ALDH4A1: variants seen among roughly 807,000 people sequenced by gnomAD.
The protein encoded by ALDH4A1 is aldehyde dehydrogenase 4 family member A1.
Under a neutral mutation model 70.5 loss-of-function variants are expected in ALDH4A1, and 46 were observed. The ratio of observed to expected loss-of-function variants is 0.65; its 90% CI spans 0.51 to 0.83. The LOEUF (loss-of-function observed/expected upper bound fraction) is 0.83. Ranked by LOEUF, ALDH4A1 falls within the 40% of genes least tolerant of loss-of-function variation. The pLI is 0.00. For missense variants in ALDH4A1, 749 were observed against 766.5 expected, an observed-to-expected ratio of 0.98 and a Z score of 0.27; for synonymous variants, 323 against 324.3, an observed-to-expected ratio of 1.00 and a Z score of 0.04.
chr1:18,889,540 G>C (rs1209653799), intron 2 of ALDH4A1, 86 bp from the exon 3 acceptor site: 2 of 1,244,520 alleles, frequency 1.6e-6, no homozygotes, highest in Non-Finnish European at 2.3e-6. Flanking sequence ...CACAGACGGA[G>C]GTGCCCAGGC....
At chr1:18,884,305 C>T (rs1454939066) in intron 5 of ALDH4A1, among the ~76,000 whole-genome samples, 2 of 152,198 alleles carry the variant, frequency 1.3e-5, no homozygotes, top group Non-Finnish European at 2.9e-5. Context: ...CATACCAGCT[C>T]TGTGCAGCAG....
intron 1 of ALDH4A1, among the ~76,000 whole-genome samples, chr1:18,896,346 C>A (rs936767280): frequency 1.3e-5 from 2 of 152,192 alleles, no homozygotes; most frequent in African/African-American, 4.8e-5. Flanking sequence ...CAGGACTGGA[C>A]TCCAAGGCCA....
At chr1:18,896,964 G>A (rs886217790) in intron 1 of ALDH4A1, 1 of 443,636 alleles carries the variant, frequency 2.3e-6, no homozygotes, top group African/African-American at 2.1e-5. Context: ...GCAAACATCA[G>A]GCAACATTTG....
Position 18,872,625 on chromosome 1 carries a change from T to G in ALDH4A1, c.*220A>C, listed in dbSNP as rs944310354. 54 of 449,948 alleles carry G rather than the reference T, an allele frequency of 1.2e-4. No individual in the cohort carries two copies. Among genetic ancestry groups the G allele is most frequent in the East Asian group, 3.3e-4 (9 of 27,080 alleles). The allele number at this position is 449,948 out of a possible 1,614,324, so 27.9% of individuals were successfully genotyped here. A position where few individuals can be genotyped will look rare whatever the true frequency, so the allele number is the denominator to read the frequency against. ...AGGGTCATACCTCCCACATGGCCGA[T>G]GGGATAAGGGGTAGTGGCCATGTTC... On this transcript the variant is annotated 3_prime_UTR_variant, in exon 15 of 15. Transcript: ENST00000375341.
At chr1:18,876,682 C>CGTGTGTGTGT (rs1557611270) in intron 11 of ALDH4A1, among the ~76,000 whole-genome samples, 3 of 2,682 alleles carry the variant, frequency 1.1e-3, no homozygotes, top group African/African-American at 2.0e-3. Flanking sequence ...TGTGTGTGTA[C>CGTGTGTGTGT]ACACACAAGT....
intron 9 of ALDH4A1, 49 bp downstream of exon 9, chr1:18,879,251 G>A (rs770769654): frequency 5.9e-5 from 90 of 1,536,300 alleles, no homozygotes; most frequent in South Asian, 3.1e-4. Context: ...AATGGCCAGG[G>A]GAGGGGTCCC....
Position 18,902,457 on chromosome 1 carries a change from C to T in ALDH4A1, c.62+5G>A. ...CGGGCCGCCCCGGGCCCCGTGCTCA[C>T]TCACCCGGCCCCGGTCCAGGGGCGG... On this transcript the variant is annotated splice_donor_5th_base_variant and intron_variant, in intron 1 of 14. Coordinates refer to ENST00000375341, the MANE Select transcript of ALDH4A1 (RefSeq NM_003748.4). 2 of 1,376,030 alleles carry T rather than the reference C, an allele frequency of 1.5e-6. No homozygotes were observed. Among genetic ancestry groups the T allele is most frequent in the Non-Finnish European group, 1.9e-6 (2 of 1,065,946 alleles). 85.2% of individuals were successfully genotyped at this position (1,376,030 alleles called of 1,614,324 possible).
Position 18,883,127 on chromosome 1 carries a change from C to A in ALDH4A1, c.675G>T (p.Leu225=). 6.2e-7 allele frequency: 1 copy of A among 1,613,176 alleles called. No homozygotes were observed. The highest frequency in any genetic ancestry group is 8.5e-7 in the Non-Finnish European group (1 of 1,180,046). Residue 225 remains leucine, a synonymous_variant, in exon 7 of 15, where the codon CTG becomes CTT. Coordinates refer to ENST00000375341, the MANE Select transcript of ALDH4A1 (RefSeq NM_003748.4). ...CCCACCTGTGCCCACATCTCACCAT[C>A]AGGGCCGGTGCCCCCGCCAGGTTGC... The part of the protein sequence containing the change: ...IGGNLAGAPA[L]MGNVVLWKPS...
chr1:18,877,328 C>T, intron 10 of ALDH4A1, 73 bp from the exon 11 acceptor site: 4 of 1,557,272 alleles, frequency 2.6e-6, no homozygotes, highest in African/African-American at 1.4e-5. Context: ...TCCCCGCACA[C>T]CCCAGCCCCG....
At chr1:18,900,520 T>G (rs970466789) in intron 1 of ALDH4A1, among the ~76,000 whole-genome samples, 3 of 152,158 alleles carry the variant, frequency 2.0e-5, no homozygotes, top group Admixed American at 2.0e-4. Flanking sequence ...CAGGGTTTTT[T>G]TCGTAATTGT....
rs377259750 is a variant in ALDH4A1 at position 18,885,505 on chromosome 1, C to T, written c.421G>A (p.Ala141Thr). 5.6e-5 allele frequency: 86 copies of T among 1,524,254 alleles called. No individual in the cohort carries two copies. The highest frequency in any genetic ancestry group is 1.4e-5 in the Non-Finnish European group (16 of 1,126,690). The allele number at this position is 1,524,254 out of a possible 1,614,324, so 94.4% of individuals were successfully genotyped here. Residue 141 changes from alanine (A) to threonine (T), a missense_variant, in exon 5 of 15, where the codon GCT (alanine) becomes ACT (threonine). Physicochemically the swap from Ala to Thr is moderately conservative, Grantham distance 58. Transcript: ENST00000375341. ...ACCATGGTCTTGGCGAGGATCTCAG[C>T]CCTGCGCGGCCCACTCAGCATGTCT... is the stretch of plus-strand genomic sequence containing the variant. ...AADMLSGPRR[A>T]EILAKTMVGQ...
intron 2 of ALDH4A1, 52 bp downstream of exon 2, chr1:18,889,959 TG>T: frequency 1.4e-6 from 2 of 1,430,058 alleles, no homozygotes; most frequent in Non-Finnish European, 9.6e-7. Flanking sequence ...CTGCTGGGGA[TG>T]GCCTCTGCTC....
Position 18,885,567 on chromosome 1 carries a change from G to A in ALDH4A1, c.359C>T (p.Pro120Leu). 6.2e-7 allele frequency: 1 copy of A among 1,613,622 alleles called. No individual in the cohort carries two copies. The highest frequency in any genetic ancestry group is 8.5e-7 in the Non-Finnish European group (1 of 1,179,910). Reference protein sequence around the residue: ...LAARKEWDLKPIADRAQIFLK... With the variant: ...LAARKEWDLKLIADRAQIFLK... Reference sequence around the variant, plus strand: ...GAAGATCTGGGCCCGGTCTGCAATAGGCTTCAGGTCCCACTCTTTCCGGGC... The same window carrying A: ...GAAGATCTGGGCCCGGTCTGCAATAAGCTTCAGGTCCCACTCTTTCCGGGC... The change falls in exon 5 of 15, where the codon CCT becomes CTT. Residue 120 changes from proline to leucine, a missense_variant. Pro to Leu is a moderately conservative substitution (Grantham distance 98). Coordinates refer to ENST00000375341, the MANE Select transcript of ALDH4A1 (RefSeq NM_003748.4).
At chr1:18,877,296 G>A in intron 10 of ALDH4A1, 41 bp from the exon 11 acceptor site, 1 of 1,584,102 alleles carries the variant, frequency 6.3e-7, no homozygotes, top group South Asian at 1.1e-5. Context: ...AGTCACTGCA[G>A]GCCGAGACCA....
chr1:18,885,647 G>A lies in ALDH4A1; in HGVS notation c.298-19C>T. 1.9e-6 allele frequency: 3 copies of A among 1,613,662 alleles called. No individual in the cohort carries two copies. The highest frequency in any genetic ancestry group is 2.5e-6 in the Non-Finnish European group (3 of 1,179,988). On this transcript the variant is annotated intron_variant, in intron 4 of 14. Coordinates refer to ENST00000375341, the MANE Select transcript of ALDH4A1 (RefSeq NM_003748.4). The stretch of plus-strand genomic sequence containing the variant: ...GCAGGCTCTAAAGGGAGAGGGAGAG[G>A]TTGGGGACTGCCACCTGCAGCGGGA...
chr1:18,877,378 C>CT (rs1934747802), intron 10 of ALDH4A1, 38 bp downstream of exon 10: 2 of 1,552,502 alleles, frequency 1.3e-6, no homozygotes. Flanking sequence ...CCCATCAGCC[C>CT]CCCGCTGGGC....
chr1:18,873,798 C>G (rs76454386), intron 14 of ALDH4A1, among the ~76,000 whole-genome samples: 1 of 152,202 alleles, frequency 6.6e-6, no homozygotes. Flanking sequence ...CGCTTCCCCT[C>G]GGTTCCGTGA....
At chr1:18,892,586 G>A (rs1355408901) in intron 1 of ALDH4A1, among the ~76,000 whole-genome samples, 3 of 151,850 alleles carry the variant, frequency 2.0e-5, no homozygotes, top group East Asian at 3.9e-4. Flanking sequence ...GGCCTGCGTG[G>A]TAGAGGGAGA....
rs1196662648 is a variant in ALDH4A1, at chr1:18,902,548, G to A, written c.-25C>T. 1.4e-6 allele frequency: 2 copies of A among 1,473,978 alleles called. No homozygotes were observed. Among genetic ancestry groups the A allele is most frequent in the South Asian group, 1.3e-5 (1 of 77,300 alleles). The allele number at this position is 1,473,978 out of a possible 1,614,324, so 91.3% of individuals were successfully genotyped here. On this transcript the variant is annotated 5_prime_UTR_variant, in exon 1 of 15. Transcript: ENST00000375341. ...TCTCGGGTTAGAAGCGGGGCTGTTC[G>A]CTGGATCGTCCGCCCGGGCGCGGCG...
Sources: gnomAD v4.1 joint callset for allele counts (sites outside exome capture counted in the v4.1 genomes callset) on GRCh38, gnomAD v4.1.1 for gene constraint, MANE v1.5 for transcripts, NCBI Gene and HGNC (gene_info 2026-07-23, HGNC 2026-07-21) for gene names.